ARHGAP4: variants seen among roughly 807,000 people sequenced by gnomAD.
ARHGAP4 encodes the protein Rho GTPase activating protein 4, also known as rho GTPase-activating protein 4.
In ARHGAP4, 25 loss-of-function variants were observed where a neutral mutation model predicts 67.6. The ratio of observed to expected loss-of-function variants is 0.37; its 90% CI spans 0.27 to 0.52. ARHGAP4 has a LOEUF of 0.52. Among genes scored for constraint, ARHGAP4 ranks in the 20% least tolerant of loss-of-function variants. ARHGAP4 has a pLI of 0.92. For synonymous variants in ARHGAP4, 448 were observed against 373.7 expected, an observed-to-expected ratio of 1.20 and a Z score of -2.29; for missense variants, 804 against 854.6, an observed-to-expected ratio of 0.94 and a Z score of 0.74.
chrX:153,909,201 C>G, intron 20 of ARHGAP4, 32 bp from the exon 21 acceptor site: 1 of 1,148,019 alleles, frequency 8.7e-7, no homozygotes, highest in Non-Finnish European at 1.2e-6. Flanking sequence ...TGGTGGGGGC[C>G]CTGGGAAGTC....
At chrX:153,909,348 ACT>A in intron 20 of ARHGAP4, 93 bp downstream of exon 20, 1 of 891,162 alleles carries the variant, frequency 1.1e-6, no homozygotes, top group Non-Finnish European at 1.5e-6. Context: ...TCATCTGCCA[ACT>A]CCTCCCACTC....
chrX:153,922,377 G>C, intron 1 of ARHGAP4: 1 of 755,247 alleles, frequency 1.3e-6, no homozygotes, highest in East Asian at 1.5e-4. Flanking sequence ...GGGAGCCAGG[G>C]AGAGCTGATC....
intron 18 of ARHGAP4, 38 bp downstream of exon 18, chrX:153,909,974 G>C: frequency 1.7e-6 from 2 of 1,209,451 alleles, no homozygotes; most frequent in Non-Finnish European, 2.2e-6. Flanking sequence ...GGACACTAGG[G>C]TGGGGACAGG....
Position 153,913,035 on chromosome X carries a change from C to CT in ARHGAP4, c.1427dup (p.Glu477GlyfsTer25). 1 of 1,194,949 alleles carries CT rather than the reference C, an allele frequency of 8.4e-7. No individual in the cohort carries two copies. The highest frequency in any genetic ancestry group is 1.1e-6 in the Non-Finnish European group (1 of 886,527). ...CAGGGAGGACTCACCAAGACACCTC[C>CT]TGCTCCTCCTTGTCACCTGTGGGGT... is the stretch of plus-strand genomic sequence containing the variant. On this transcript the variant is annotated frameshift_variant, in exon 11 of 22. Transcript: ENST00000350060. LOFTEE classifies it high-confidence loss of function.
intron 7 of ARHGAP4, among the ~76,000 whole-genome samples, chrX:153,915,102 A>G (rs945993852): frequency 9.0e-6 from 1 of 111,685 alleles, no homozygotes; most frequent in Admixed American, 9.5e-5. Context: ...CCTTGAGGAC[A>G]TGGGACTCAG....
intron 21 of ARHGAP4, among the ~76,000 whole-genome samples, chrX:153,908,391 GC>G (rs2064987954): frequency 8.9e-6 from 1 of 111,932 alleles, no homozygotes; most frequent in South Asian, 3.7e-4. Context: ...GGGCCTGGGG[GC>G]TTGGCCACAC....
chrX:153,909,141 T>C lies in ARHGAP4; in HGVS notation c.2536A>G (p.Met846Val). 1 of 1,210,304 alleles carries C rather than the reference T, an allele frequency of 8.3e-7. No homozygotes were observed. Among genetic ancestry groups the C allele is most frequent in the Non-Finnish European group, 1.1e-6 (1 of 894,993 alleles). The change falls in exon 21 of 22, where the codon ATG becomes GTG. Residue 846 changes from methionine to valine, a missense_variant. Met to Val is a conservative substitution (Grantham distance 21, BLOSUM62 1). Around this residue, in one of 2 missense-constraint regions of ARHGAP4, gnomAD observed 400 missense variants for 348.7 expected, o/e 1.15. Coordinates refer to ENST00000350060, the MANE Select transcript of ARHGAP4 (RefSeq NM_001666.5). The stretch of plus-strand genomic sequence containing the variant: ...CGTCGTCTGTGTCCAGAGGGTCCCA[T>C]GGCCTCAGGTGAGGTGCATGGCTCT... ...RPEPCTSPEA[M>V]GPSGHRRRCL...
chrX:153,920,966 G>A, intron 4 of ARHGAP4, 131 bp downstream of exon 4: 1 of 989,682 alleles, frequency 1.0e-6, no homozygotes, highest in Non-Finnish European at 1.4e-6. Flanking sequence ...AGAGGCCTTT[G>A]CCCCTAGGTG....
chrX:153,921,418 G>A lies in ARHGAP4; in HGVS notation c.382C>T (p.Leu128=), dbSNP rs781824583. The change falls in exon 3 of 22, where the codon CTG becomes TTG. Residue 128 remains leucine (L), a synonymous_variant. Transcript: ENST00000350060. ...GCAATGTGACTCAGGCGCTGGGCCAGGGGCCCGGCCAGCACCTCACTCAGG... is the reference window on the plus strand; with the variant it reads ...GCAATGTGACTCAGGCGCTGGGCCAAGGGCCCGGCCAGCACCTCACTCAGG... ...AALSEVLAGP[L]AQRLSHIAED... is the part of the protein sequence containing the mutation. 20 of 1,210,509 alleles carry A rather than the reference G, an allele frequency of 1.7e-5. No individual in the cohort carries two copies. Among genetic ancestry groups the A allele is most frequent in the Non-Finnish European group, 2.2e-5 (20 of 895,239 alleles).
At chrX:153,921,578 T>C (rs1253828505) in intron 2 of ARHGAP4, 27 bp downstream of exon 2, 3 of 1,204,005 alleles carry the variant, frequency 2.5e-6, no homozygotes, top group African/African-American at 1.7e-5. Flanking sequence ...GGCCCTGCCG[T>C]GGCCCCCCTG....
At chrX:153,919,781 A>AT (rs1265275504) in intron 5 of ARHGAP4, 1,186 of 771,146 alleles carry the variant, frequency 1.5e-3, no homozygotes, top group Non-Finnish European at 1.8e-3. Flanking sequence ...CTGGCACTCT[A>AT]TTTTTTTTTT....
Position 153,921,804 on chromosome X carries a change from G to A in ARHGAP4, c.73C>T (p.Arg25Cys). The A allele has an allele frequency of 1.7e-6, 2 of 1,184,702 alleles. No individual in the cohort carries two copies. Among genetic ancestry groups the A allele is most frequent in the Non-Finnish European group, 2.3e-6 (2 of 883,968 alleles). The change falls in exon 2 of 22, where the codon CGC becomes TGC. Residue 25 changes from arginine to cysteine, a missense_variant. Transcript: ENST00000350060. ...CGCAGCTGCTCGCTCAGCTGCCAGC[G>A]CATCTCTGTGGGGGGAACCATGGCT... ...AEYETQVKEM[R>C]WQLSEQLRCL...
At chrX:153,912,461 G>A (rs892310018) in intron 12 of ARHGAP4, among the ~76,000 whole-genome samples, 13 of 112,044 alleles carry the variant, frequency 1.2e-4, no homozygotes, top group Admixed American at 3.8e-4. Flanking sequence ...TAAAAATGCC[G>A]CTGCCCCAGG....
chrX:153,924,102 G>C (rs1183569652), intron 1 of ARHGAP4, among the ~76,000 whole-genome samples: 3 of 112,106 alleles, frequency 2.7e-5, no homozygotes, highest in Non-Finnish European at 3.8e-5. Context: ...TTTGATAAAA[G>C]TAAATTTCAT....
At position 153,921,114 on chromosome X, in the gene ARHGAP4, C is replaced by A. The variant is rs1557105193; in HGVS notation, c.481G>T (p.Val161Phe). Reference sequence around the variant, plus strand: ...TTCCTCACCGTCTGGAGCTCTGAGACCACCTCCAGGAGCTCATCCTGCAGC... The same window carrying A: ...TTCCTCACCGTCTGGAGCTCTGAGAACACCTCCAGGAGCTCATCCTGCAGC... ...QQLQDELLEV[V>F]SELQTAKKTY... The change falls in exon 4 of 22, where the codon GTC becomes TTC. Residue 161 changes from valine (V) to phenylalanine (F), a missense_variant. Val to Phe is a conservative substitution (Grantham distance 50). This residue lies in a region of ARHGAP4 where 404 missense variants were observed against 505.9 expected (regional missense o/e 0.80). Transcript: ENST00000350060. 4.2e-6 allele frequency: 5 copies of A among 1,203,014 alleles called. No homozygotes were observed. The highest frequency in any genetic ancestry group is 3.5e-5 in the African/African-American group (2 of 57,366).
chrX:153,918,947 T>TCCAGGCTGC lies in ARHGAP4; in HGVS notation c.908_916dup (p.Gly303_Leu305dup). ...AGGATCCAGGGCCTCCACAGCTTCT[T>TCCAGGCTGC]CCAGGCTGCCCAGGCCCTGCACTTG... On this transcript the variant is annotated inframe_insertion, in exon 7 of 22. Transcript: ENST00000350060. The TCCAGGCTGC allele has an allele frequency of 8.3e-7, 1 of 1,212,057 alleles. No individual in the cohort carries two copies. Among genetic ancestry groups the TCCAGGCTGC allele is most frequent in the Non-Finnish European group, 1.1e-6 (1 of 895,541 alleles).
At chrX:153,908,860 TCCCTCTCCATCCCCACCCG>T (rs1319189876) in intron 21 of ARHGAP4, among the ~76,000 whole-genome samples, 191 bp downstream of exon 21, 1 of 111,770 alleles carries the variant, frequency 8.9e-6, no homozygotes, top group Non-Finnish European at 1.9e-5. Flanking sequence ...TCCGTAGCCG[TCCCTCTCCATCCCCACCCG>T]CCCTCACATC....
At chrX:153,909,357 A>G (rs967211052) in intron 20 of ARHGAP4, 86 bp downstream of exon 20, 388 of 895,169 alleles carry the variant, frequency 4.3e-4, no homozygotes, top group Non-Finnish European at 5.1e-4. Context: ...AACTCCTCCC[A>G]CTCCCACTGG....
At chrX:153,922,689 C>T (rs1377985215) in intron 1 of ARHGAP4, among the ~76,000 whole-genome samples, 2 of 112,462 alleles carry the variant, frequency 1.8e-5, no homozygotes, top group Non-Finnish European at 3.8e-5. Context: ...AGCTCAGCTT[C>T]TGGCCAGCAG....
Sources: gnomAD v4.1 joint callset for allele counts (sites outside exome capture counted in the v4.1 genomes callset) on GRCh38, gnomAD v4.1.1 for gene constraint, gnomAD v4.1.1 regional missense constraint, MANE v1.5 for transcripts, NCBI Gene and HGNC (gene_info 2026-07-23, HGNC 2026-07-21) for gene names.